LZTS1: variants seen among roughly 807,000 people sequenced by gnomAD.
The protein encoded by LZTS1 is leucine zipper putative tumor suppressor 1.
LZTS1 carries 31 observed loss-of-function variants against 45.8 expected under a neutral mutation model. The ratio of observed to expected loss-of-function variants is 0.68; its 90% CI spans 0.51 to 0.91. The LOEUF (loss-of-function observed/expected upper bound fraction) is 0.91. Ranked by LOEUF, LZTS1 falls within the 40% of genes least tolerant of loss-of-function variation. The probability of loss-of-function intolerance (pLI) is 0.00; values close to 1 mark genes in which losing one functional copy is unlikely to be tolerated. For missense variants in LZTS1, 821 were observed against 788.9 expected, an observed-to-expected ratio of 1.04 and a Z score of -0.49; for synonymous variants, 359 against 357.3, an observed-to-expected ratio of 1.00 and a Z score of -0.05.
chr8:20,283,909 GA>G (rs1563890971), intron 1 of LZTS1, among the ~76,000 whole-genome samples: 1 of 152,166 alleles, frequency 6.6e-6, no homozygotes, highest in African/African-American at 2.4e-5. Flanking sequence ...AGGATCAATG[GA>G]AATCTTCCAA....
intron 2 of LZTS1, 75 bp from the exon 3 acceptor site, chr8:20,253,660 T>C: frequency 8.1e-7 from 1 of 1,228,742 alleles, no homozygotes; most frequent in Non-Finnish European, 1.1e-6. Flanking sequence ...CAGGCACGCG[T>C]GCCGACCTTG....
In LZTS1 at chr8:20,303,372, C is replaced by T. The variant is rs1317830083; in HGVS notation, c.-135+368G>A. Among the ~76,000 whole-genome samples, 6 of 152,166 alleles carry T rather than the reference C, an allele frequency of 3.9e-5. No homozygotes were observed. The East Asian group carries it at 1.2e-3, about 29-fold the overall frequency. On this transcript the variant is annotated intron_variant, in intron 1 of 3. Coordinates refer to ENST00000381569, the MANE Select transcript of LZTS1 (RefSeq NM_021020.5). ...GGCCCCTGCTCCTGCGGCCTCGCGT[C>T]CCCACCTCCCACTTCTTCACCTCCG...
intron 1 of LZTS1, among the ~76,000 whole-genome samples, chr8:20,268,262 TCTGCCAGCTGGGGCTGGGGGGCCCA>T (rs1800402472): frequency 6.8e-6 from 1 of 148,080 alleles, no homozygotes; most frequent in Non-Finnish European, 1.5e-5. Context: ...TCCCCAGGCA[TCTGCCAGCTGGGGCTGGGGGGCCCA>T]GGCTGCACCA....
Position 20,303,770 on chromosome 8 carries a change from C to A in LZTS1, c.-165G>T. The stretch of plus-strand genomic sequence containing the variant: ...CCCTGCGCCTCGGGCGCACTTGAGA[C>A]TTTTTTTTTTTCCCAGTGTTTCCCG... On this transcript the variant is annotated 5_prime_UTR_variant, in exon 1 of 4. Coordinates refer to ENST00000381569, the MANE Select transcript of LZTS1 (RefSeq NM_021020.5). 1.3e-6 allele frequency: 1 copy of A among 795,836 alleles called. No individual in the cohort carries two copies. 49.3% of individuals were successfully genotyped at this position (795,836 alleles called of 1,614,324 possible). A position where few individuals can be genotyped will look rare whatever the true frequency, so the allele number is the denominator to read the frequency against.
intron 1 of LZTS1, among the ~76,000 whole-genome samples, chr8:20,298,383 C>T (rs1801013476): frequency 6.6e-6 from 1 of 152,170 alleles, no homozygotes; most frequent in Non-Finnish European, 1.5e-5. Flanking sequence ...TTCAAAGGCG[C>T]ACTTGGTTTC....
intron 1 of LZTS1, among the ~76,000 whole-genome samples, chr8:20,269,314 G>C (rs1800428071): frequency 1.3e-5 from 2 of 152,174 alleles, no homozygotes. Context: ...AATCTCCAGA[G>C]GAGGGCTGGG....
chr8:20,263,448 C>A (rs1015489252), intron 1 of LZTS1, among the ~76,000 whole-genome samples: 2 of 152,166 alleles, frequency 1.3e-5, no homozygotes. Flanking sequence ...GTTTCCTGAC[C>A]CCTAATGCCC....
intron 1 of LZTS1, among the ~76,000 whole-genome samples, chr8:20,288,311 T>C (rs1163699753): frequency 6.6e-6 from 1 of 152,144 alleles, no homozygotes; most frequent in Non-Finnish European, 1.5e-5. Context: ...TCTCAGGAAG[T>C]GGGTGGCCAC....
chr8:20,268,406 T>C (rs1800405095), intron 1 of LZTS1, among the ~76,000 whole-genome samples: 1 of 151,536 alleles, frequency 6.6e-6, no homozygotes, highest in Non-Finnish European at 1.5e-5. Flanking sequence ...TTCTCCCCGT[T>C]CCCCCTCCCC....
intron 1 of LZTS1, among the ~76,000 whole-genome samples, chr8:20,301,049 A>G (rs1333125174): frequency 1.4e-5 from 2 of 143,024 alleles, no homozygotes; most frequent in East Asian, 4.5e-4. Context: ...TGAACCCAGG[A>G]GGTGGAGGTT....
intron 1 of LZTS1, among the ~76,000 whole-genome samples, chr8:20,278,315 G>A (rs1177796153): frequency 6.6e-6 from 1 of 152,144 alleles, no homozygotes; most frequent in South Asian, 2.1e-4. Flanking sequence ...CCTCAAATGA[G>A]CATGCACACA....
intron 1 of LZTS1, 124 bp from the exon 2 acceptor site, chr8:20,255,439 C>T (rs1158342649): frequency 3.0e-5 from 17 of 567,598 alleles, no homozygotes; most frequent in East Asian, 1.0e-4. Context: ...TCTCCACCAC[C>T]GGGTGCTCCG....
At chr8:20,259,884 C>G (rs1468708668) in intron 1 of LZTS1, among the ~76,000 whole-genome samples, 1 of 152,014 alleles carries the variant, frequency 6.6e-6, no homozygotes, top group African/African-American at 2.4e-5. Context: ...CTGTACTAAT[C>G]TTATTATTTT....
intron 1 of LZTS1, among the ~76,000 whole-genome samples, chr8:20,263,480 A>G (rs1800287870): frequency 6.6e-6 from 1 of 152,152 alleles, no homozygotes; most frequent in South Asian, 2.1e-4. Context: ...TAGTTTAAAA[A>G]CATTCATACA....
At chr8:20,283,492 C>A (rs940803454) in intron 1 of LZTS1, among the ~76,000 whole-genome samples, 1 of 152,134 alleles carries the variant, frequency 6.6e-6, no homozygotes, top group Admixed American at 6.5e-5. Context: ...CTATTGGCTA[C>A]CTCGTTCATG....
chr8:20,269,341 C>G (rs2410635), intron 1 of LZTS1, among the ~76,000 whole-genome samples: 54,266 of 152,122 alleles, frequency 0.36, 11,024 homozygotes, highest in Non-Finnish European at 0.45. Flanking sequence ...GCTAGACTCC[C>G]TCCCGTCTTA....
Position 20,247,020 on chromosome 8 carries a change from C to T in LZTS1, c.*2702G>A, listed in dbSNP as rs1799751487. On this transcript the variant is annotated 3_prime_UTR_variant, in exon 4 of 4. Transcript: ENST00000381569. ...TTTTGGACAGGGCAGGAAAGAACAC[C>T]CACAGGAAGGTGAGGTTGCAAGGTC... 1 of 152,312 alleles carries T rather than the reference C, an allele frequency of 6.6e-6. No homozygotes were observed. Among genetic ancestry groups the T allele is most frequent in the African/African-American group, 2.4e-5 (1 of 41,458 alleles). 9.4% of individuals were successfully genotyped at this position (152,312 alleles called of 1,614,324 possible). A position where few individuals can be genotyped will look rare whatever the true frequency, so the allele number is the denominator to read the frequency against.
In LZTS1 at chr8:20,281,771, G is replaced by C. The variant is rs538402547; in HGVS notation, c.-135+21969C>G. On this transcript the variant is annotated intron_variant, in intron 1 of 3. Coordinates refer to ENST00000381569, the MANE Select transcript of LZTS1 (RefSeq NM_021020.5). ...CTTCCTGAGACCTCACCAGAGCTGA[G>C]CAGATGCTGGGGCCATGCTTGTACA... 2.0e-5 allele frequency among the ~76,000 whole-genome samples: 3 copies of C among 152,330 alleles called. No individual in the cohort carries two copies. In the South Asian group the frequency reaches 6.2e-4, roughly 32 times the overall value.
intron 1 of LZTS1, among the ~76,000 whole-genome samples, chr8:20,301,497 A>G (rs2128900348): frequency 6.6e-6 from 1 of 152,284 alleles, no homozygotes; most frequent in African/African-American, 2.4e-5. Context: ...TCATCATTAC[A>G]TTATTCATCT....
Sources: allele counts gnomAD v4.1 joint callset (sites outside exome capture counted in the v4.1 genomes callset), GRCh38; gene constraint gnomAD v4.1.1; transcripts MANE v1.5; gene names NCBI Gene and HGNC (gene_info 2026-07-23, HGNC 2026-07-21).